PPP1R21: variants seen among roughly 807,000 people sequenced by gnomAD.
PPP1R21 encodes KLRAQ motif containing 1.
PPP1R21 carries 85 observed loss-of-function variants against 112.8 expected under a neutral mutation model. The ratio of observed to expected loss-of-function variants is 0.75; its 90% CI spans 0.63 to 0.90. PPP1R21 has a LOEUF of 0.90. PPP1R21 is among the 40% of genes least tolerant of loss of function. The probability of loss-of-function intolerance (pLI) is 0.00; values close to 1 mark genes in which losing one functional copy is unlikely to be tolerated. For missense variants in PPP1R21, 1,199 were observed against 901.5 expected, an observed-to-expected ratio of 1.33 and a Z score of -4.23; for synonymous variants, 381 against 322.3, an observed-to-expected ratio of 1.18 and a Z score of -1.95.
At position 48,445,240 on chromosome 2, in the gene PPP1R21, A is replaced by G. The variant is rs776668100; in HGVS notation, c.57+4230A>G. ...TCAGTGCTATCCAATGGAAGTTTCC[A>G]TGAGAATGAAAATGTTCTGTATCTG... On this transcript the variant is annotated intron_variant, in intron 1 of 21. Transcript: ENST00000294952. Among the ~76,000 whole-genome samples, 16 of 149,330 alleles carry G rather than the reference A, an allele frequency of 1.1e-4. 1 individual carries two copies.
chr2:48,476,326 A>G (rs1200620599), intron 12 of PPP1R21, among the ~76,000 whole-genome samples: 1 of 152,230 alleles, frequency 6.6e-6, no homozygotes, highest in Non-Finnish European at 1.5e-5. Context: ...TTATGGATGT[A>G]TCACATTTTA....
At position 48,460,141 on chromosome 2, in the gene PPP1R21, G is replaced by GACTCTAGA. The variant is rs1558438740; in HGVS notation, c.588_589insCTCTAGAA (p.Thr197LeufsTer2). 1 of 1,614,076 alleles carries GACTCTAGA rather than the reference G, an allele frequency of 6.2e-7. No homozygotes were observed. Among genetic ancestry groups the GACTCTAGA allele is most frequent in the South Asian group, 1.1e-5 (1 of 91,068 alleles). On this transcript the variant is annotated stop_gained and frameshift_variant, in exon 6 of 22. Transcript: ENST00000294952. LOFTEE classifies it high-confidence loss of function. ...AAGGAAGCCAAGGAATGTCGACTTCGAACGGAAGAATGGTATGTGGAAACT... is the reference window on the plus strand; with the variant it reads ...AAGGAAGCCAAGGAATGTCGACTTCGACTCTAGAAACGGAAGAATGGTATGTGGAAACT...
chr2:48,475,740 G>A (rs1015729870), intron 12 of PPP1R21, among the ~76,000 whole-genome samples: 1 of 151,852 alleles, frequency 6.6e-6, no homozygotes, highest in African/African-American at 2.4e-5. Context: ...CCAGCTACTC[G>A]GGAGGCTGAG....
chr2:48,454,682 A>G lies in PPP1R21; in HGVS notation c.214A>G (p.Arg72Gly). The change falls in exon 3 of 22, where the codon AGG becomes GGG. Residue 72 changes from arginine to glycine, a missense_variant. Physicochemically the swap from Arg to Gly is moderately radical, Grantham distance 125 (BLOSUM62 -2). Transcript: ENST00000294952. The part of the protein sequence containing the change: ...LTFRNLQLAK[R>G]VELLQDELAL... Reference sequence around the variant, plus strand: ...ATTTCGAAATCTGCAGCTTGCCAAGAGGGTAGAACTACTTCAAGATGAACT... The same window carrying G: ...ATTTCGAAATCTGCAGCTTGCCAAGGGGGTAGAACTACTTCAAGATGAACT... 1 of 1,614,174 alleles carries G rather than the reference A, an allele frequency of 6.2e-7. No homozygotes were observed. The highest frequency in any genetic ancestry group is 8.5e-7 in the Non-Finnish European group (1 of 1,179,988).
chr2:48,443,606 C>G (rs1018303035), intron 1 of PPP1R21, among the ~76,000 whole-genome samples: 1 of 152,128 alleles, frequency 6.6e-6, no homozygotes, highest in Non-Finnish European at 1.5e-5. Context: ...GGTCATCTCC[C>G]CTATTGGACC....
intron 20 of PPP1R21, among the ~76,000 whole-genome samples, chr2:48,510,451 C>A (rs538107274): frequency 1.3e-5 from 2 of 152,142 alleles, no homozygotes; most frequent in African/African-American, 4.8e-5. Context: ...CCTTTTCTTT[C>A]CTGTTGCATA....
intron 18 of PPP1R21, 169 bp from the exon 19 acceptor site, chr2:48,507,100 T>C (rs1222522019): frequency 1.1e-6 from 1 of 933,052 alleles, no homozygotes; most frequent in Non-Finnish European, 1.5e-6. Context: ...ATTTGGAATA[T>C]ACACTTCCCT....
intron 13 of PPP1R21, among the ~76,000 whole-genome samples, chr2:48,484,991 G>A (rs899476993): frequency 1.3e-5 from 2 of 148,698 alleles, no homozygotes; most frequent in South Asian, 2.2e-4. Flanking sequence ...AAAACTGTCT[G>A]TGATGTGTAG....
chr2:48,477,282 C>A (rs1668801796), intron 12 of PPP1R21, among the ~76,000 whole-genome samples: 1 of 151,940 alleles, frequency 6.6e-6, no homozygotes, highest in African/African-American at 2.4e-5. Flanking sequence ...CTGCACTTGG[C>A]TAATTTTTGC....
At chr2:48,454,266 A>T (rs1439381065) in intron 2 of PPP1R21, among the ~76,000 whole-genome samples, 3 of 151,570 alleles carry the variant, frequency 2.0e-5, no homozygotes, top group African/African-American at 7.3e-5. Context: ...GTCTCAAAAA[A>T]TAAATAAATA....
chr2:48,476,820 T>G (rs1668777133), intron 12 of PPP1R21, among the ~76,000 whole-genome samples: 1 of 152,230 alleles, frequency 6.6e-6, no homozygotes. Context: ...GTTATAAGAG[T>G]TCTTTATGTA....
At position 48,493,269 on chromosome 2, in the gene PPP1R21, T is replaced by A. The variant is rs910042506; in HGVS notation, c.1599+2099T>A. Among the ~76,000 whole-genome samples, 46 of 152,200 alleles carry A rather than the reference T, an allele frequency of 3.0e-4. 1 individual carries two copies. The highest frequency in any genetic ancestry group is 2.9e-5 in the Non-Finnish European group (2 of 68,030). On this transcript the variant is annotated intron_variant, in intron 15 of 21. Coordinates refer to ENST00000294952, the MANE Select transcript of PPP1R21 (RefSeq NM_001135629.3). Reference sequence around the variant, plus strand: ...ATCCACCTGCCTCGGCCTACCAAAGTGCTGGGATTACAGGCGTGAGCCACT... The same window carrying A: ...ATCCACCTGCCTCGGCCTACCAAAGAGCTGGGATTACAGGCGTGAGCCACT...
rs563485652 is a variant in PPP1R21, at chr2:48,441,914, T to C, written c.57+904T>C. 2.6e-4 allele frequency among the ~76,000 whole-genome samples: 40 copies of C among 152,346 alleles called. No homozygotes were observed. The East Asian group carries it at 7.3e-3, about 28-fold the overall frequency. On this transcript the variant is annotated intron_variant, in intron 1 of 21. Coordinates refer to ENST00000294952, the MANE Select transcript of PPP1R21 (RefSeq NM_001135629.3). ...ATTCCTTTTTGCAATTTGGAGAAAC[T>C]GAGACACATTTTATTCCTTAAGATT...
At chr2:48,488,368 C>CTTTT (rs988826349) in intron 14 of PPP1R21, among the ~76,000 whole-genome samples, 9 of 141,614 alleles carry the variant, frequency 6.4e-5, no homozygotes, top group African/African-American at 2.3e-4. Context: ...TATTTGCCAA[C>CTTTT]TTTTTTTTTT....
At chr2:48,501,687 G>C (rs982790362) in intron 17 of PPP1R21, among the ~76,000 whole-genome samples, 1 of 152,034 alleles carries the variant, frequency 6.6e-6, no homozygotes, top group African/African-American at 2.4e-5. Flanking sequence ...GCCCACGCCT[G>C]TTGTCCCAGC....
At chr2:48,444,091 T>C (rs1195215742) in intron 1 of PPP1R21, among the ~76,000 whole-genome samples, 1 of 151,198 alleles carries the variant, frequency 6.6e-6, no homozygotes, top group African/African-American at 2.4e-5. Flanking sequence ...TTAAAGACAC[T>C]GAGAGTCCAG....
intron 19 of PPP1R21, among the ~76,000 whole-genome samples, 184 bp downstream of exon 19, chr2:48,507,569 G>A (rs1188315645): frequency 2.0e-5 from 3 of 151,836 alleles, no homozygotes; most frequent in Admixed American, 6.6e-5. Context: ...GGGTTTCACC[G>A]TGTTAGCCAG....
intron 1 of PPP1R21, among the ~76,000 whole-genome samples, chr2:48,446,699 G>A (rs1667263176): frequency 6.6e-6 from 1 of 152,096 alleles, no homozygotes; most frequent in Non-Finnish European, 1.5e-5. Flanking sequence ...GAAGTATACT[G>A]TAGTCTTTAC....
intron 2 of PPP1R21, 107 bp downstream of exon 2, chr2:48,451,183 C>A: frequency 1.2e-6 from 1 of 839,994 alleles, no homozygotes; most frequent in South Asian, 1.4e-5. Context: ...GACACTGATT[C>A]ACTAGGGATA....
Sources: gnomAD v4.1 joint callset for allele counts (sites outside exome capture counted in the v4.1 genomes callset) on GRCh38, gnomAD v4.1.1 for gene constraint, MANE v1.5 for transcripts, NCBI Gene and HGNC (gene_info 2026-07-23, HGNC 2026-07-21) for gene names.